Variants in DNAH8 observed in about 807,000 individuals in gnomAD.
DNAH8 encodes the protein dynein axonemal heavy chain 8.
Under a neutral mutation model 562.1 loss-of-function variants are expected in DNAH8, and 382 were observed. The ratio of observed to expected loss-of-function variants is 0.68; its 90% confidence interval spans 0.63 to 0.74. The LOEUF (loss-of-function observed/expected upper bound fraction) is 0.74. Ranked by LOEUF, DNAH8 falls within the 30% of genes least tolerant of loss-of-function variation. The probability of loss-of-function intolerance (pLI) is 0.00; values close to 1 mark genes in which losing one functional copy is unlikely to be tolerated. For missense variants in DNAH8, 5,203 were observed against 5,620.4 expected, an observed-to-expected ratio of 0.93 and a Z score of 2.37; for synonymous variants, 1,881 against 1,919.4, an observed-to-expected ratio of 0.98 and a Z score of 0.52.
At chr6:38,823,151 A>G (rs1583102281) in intron 27 of DNAH8, 117 bp downstream of exon 27, 4 of 847,104 alleles carry the variant, frequency 4.7e-6, no homozygotes, top group Admixed American at 6.8e-5. Context: ...CCAAGAATCT[A>G]TAAATACCAA....
chr6:38,909,444 A>G, intron 64 of DNAH8, 74 bp from the exon 65 acceptor site: 1 of 1,363,242 alleles, frequency 7.3e-7, no homozygotes, highest in Non-Finnish European at 1.0e-6. Context: ...CTTGGGTCAG[A>G]TTGCGTAAAT....
chr6:38,918,023 G>A lies in DNAH8; in HGVS notation c.10407G>A (p.Met3469Ile). Reference sequence around the variant, plus strand: ...AGTTACTACAGCCATATTTTAATATGGATGATTATACTTTTGAAAGTGCCA... The same window carrying A: ...AGTTACTACAGCCATATTTTAATATAGATGATTATACTTTTGAAAGTGCCA... The part of the protein sequence containing the change: ...TVELLQPYFN[M>I]DDYTFESAKK... The change falls in exon 70 of 93, where the codon ATG (methionine) becomes ATA (isoleucine). Residue 3469 changes from methionine to isoleucine, a missense_variant. Around this residue, in one of 6 missense-constraint regions of DNAH8, gnomAD observed 1,399 missense variants for 1,518.4 expected, o/e 0.92. Transcript: ENST00000327475. The A allele has an allele frequency of 6.2e-7, 1 of 1,613,724 alleles. No individual in the cohort carries two copies. Among genetic ancestry groups the A allele is most frequent in the Non-Finnish European group, 8.5e-7 (1 of 1,179,782 alleles).
rs572347407 is a variant in DNAH8 at position 38,752,256 on chromosome 6, C to T, written c.1407+1667C>T. Reference sequence around the variant, plus strand: ...TCTGCTCACTGCAACCTCCGCCTCCCGGGTTCAAGCAATTCTCCTGATTCA... The same window carrying T: ...TCTGCTCACTGCAACCTCCGCCTCCTGGGTTCAAGCAATTCTCCTGATTCA... On this transcript the variant is annotated intron_variant, in intron 9 of 92. Transcript: ENST00000327475. 4.0e-5 allele frequency among the ~76,000 whole-genome samples: 6 copies of T among 151,472 alleles called. No homozygotes were observed. In the South Asian group the frequency reaches 6.2e-4, roughly 16 times the overall value.
intron 48 of DNAH8, among the ~76,000 whole-genome samples, chr6:38,870,003 G>A (rs1260527540): frequency 6.6e-6 from 1 of 152,182 alleles, no homozygotes; most frequent in African/African-American, 2.4e-5. Flanking sequence ...ATGCTGGGAG[G>A]TGAATGAGGA....
intron 38 of DNAH8, 64 bp downstream of exon 38, chr6:38,850,478 C>T: frequency 7.2e-7 from 1 of 1,397,806 alleles, no homozygotes; most frequent in Non-Finnish European, 9.9e-7. Flanking sequence ...CCCAAACTTA[C>T]TAGTATTGAC....
At chr6:38,757,265 T>C (rs1217365489) in intron 10 of DNAH8, among the ~76,000 whole-genome samples, 12 of 152,200 alleles carry the variant, frequency 7.9e-5, no homozygotes, top group Admixed American at 2.6e-4. Flanking sequence ...ATTTCTCTGA[T>C]GGCCAGTGAT....
Position 38,938,919 on chromosome 6 carries a change from C to T in DNAH8, c.11938C>T (p.Leu3980Phe). The change falls in exon 79 of 93, where the codon CTC becomes TTC. Residue 3980 changes from leucine (L) to phenylalanine (F), a missense_variant. Around this residue, in one of 6 missense-constraint regions of DNAH8, gnomAD observed 1,399 missense variants for 1,518.4 expected, o/e 0.92. Transcript: ENST00000327475. ...YENHKFLFVL[L>F]MTLKIDLQRG... The stretch of plus-strand genomic sequence containing the variant: ...AAACCACAAATTCCTGTTTGTACTC[C>T]TCATGACCTTAAAGATTGACCTTCA... 6.2e-7 allele frequency: 1 copy of T among 1,613,938 alleles called. No homozygotes were observed. The highest frequency in any genetic ancestry group is 8.5e-7 in the Non-Finnish European group (1 of 1,179,892).
At position 38,999,924 on chromosome 6, in the gene DNAH8, CACACACACAA is replaced by C. The variant is rs560807215; in HGVS notation, c.13215-8880_13215-8871del. 3.6e-3 allele frequency among the ~76,000 whole-genome samples: 254 copies of C among 69,886 alleles called. 2 individuals carry two copies. The highest frequency in any genetic ancestry group is 0.019 in the African/African-American group (237 of 12,282). 45.8% of individuals were successfully genotyped at this position (69,886 alleles called of 152,430 possible). On this transcript the variant is annotated intron_variant, in intron 88 of 92. Transcript: ENST00000327475. The stretch of plus-strand genomic sequence containing the variant: ...AGTTGTAATAAGGCATTTATACACA[CACACACACAA>C]ACACACACACACACATTCATTGAAA...
At chr6:39,026,918 T>A (rs1767329242) in intron 92 of DNAH8, among the ~76,000 whole-genome samples, 1 of 152,230 alleles carries the variant, frequency 6.6e-6, no homozygotes, top group Non-Finnish European at 1.5e-5. Flanking sequence ...GTTACACTTG[T>A]GTTTGCTAAA....
chr6:38,835,048 C>T (rs1004442944), intron 32 of DNAH8, among the ~76,000 whole-genome samples: 3 of 152,040 alleles, frequency 2.0e-5, no homozygotes, highest in Middle Eastern at 3.2e-3. Context: ...CTTCTTTGTC[C>T]TATCTCCTCT....
At chr6:38,818,534 AAGC>A (rs1173006457) in intron 26 of DNAH8, among the ~76,000 whole-genome samples, 1 of 136,594 alleles carries the variant, frequency 7.3e-6, no homozygotes, top group Non-Finnish European at 1.6e-5. Context: ...GCAAAAGCAA[AAGC>A]AAAAAAAAAA....
Position 38,803,307 on chromosome 6 carries a change from G to A in DNAH8, c.3030G>A (p.Gln1010=), listed in dbSNP as rs531144931. Residue 1010 remains glutamine (Q), a synonymous_variant, in exon 22 of 93, where the codon CAG becomes CAA. Transcript: ENST00000327475. The part of the protein sequence containing the change: ...EVKYTGKVGK[Q]SEQRKHVVFG... ...AATACACTGGGAAAGTAGGAAAACA[G>A]TCAGGTAACTTTTCTCGTTACTGTG... The A allele has an allele frequency of 1.6e-5, 26 of 1,598,736 alleles. No individual in the cohort carries two copies. In the South Asian group the frequency reaches 2.5e-4, roughly 16 times the overall value.
chr6:38,785,836 G>A (rs1769110649), intron 17 of DNAH8, among the ~76,000 whole-genome samples: 1 of 152,166 alleles, frequency 6.6e-6, no homozygotes, highest in Admixed American at 6.5e-5. Context: ...TTGAAAACCT[G>A]CATCATTAAG....
In DNAH8 at chr6:38,898,330, A is replaced by G. The variant is rs1228365887; in HGVS notation, c.9013A>G (p.Thr3005Ala). The change falls in exon 61 of 93, where the codon ACA becomes GCA. Residue 3005 changes from threonine (T) to alanine (A), a missense_variant. Physicochemically the swap from Thr to Ala is moderately conservative, Grantham distance 58 (BLOSUM62 0). Around this residue, in one of 6 missense-constraint regions of DNAH8, gnomAD observed 977 missense variants for 1,061.8 expected, o/e 0.92. Transcript: ENST00000327475. ...ACAGTTCAATGAAATCATTAGAGGA[A>G]CATCTCTTGATCTGGTGTTTTTTAA... is the stretch of plus-strand genomic sequence containing the variant. Reference protein sequence around the residue: ...QRQFNEIIRGTSLDLVFFKDA... With the variant: ...QRQFNEIIRGASLDLVFFKDA... 6.3e-7 allele frequency: 1 copy of G among 1,588,286 alleles called. No individual in the cohort carries two copies. Among genetic ancestry groups the G allele is most frequent in the East Asian group, 2.3e-5 (1 of 43,348 alleles).
chr6:39,025,790 C>T (rs1029737675), intron 91 of DNAH8, among the ~76,000 whole-genome samples: 3 of 152,198 alleles, frequency 2.0e-5, no homozygotes, highest in South Asian at 2.1e-4. Flanking sequence ...TACATGGAGG[C>T]CAAAATAAAA....
Position 38,866,824 on chromosome 6 carries a change from C to T in DNAH8, c.6641C>T (p.Ala2214Val), listed in dbSNP as rs1353776663. 5 of 1,613,366 alleles carry T rather than the reference C, an allele frequency of 3.1e-6. No individual in the cohort carries two copies. The South Asian group carries it at 5.5e-5, about 18-fold the overall frequency. ...SCGFLENVILAQKFYVLYKLC... is the reference protein window; with the variant it reads ...SCGFLENVILVQKFYVLYKLC... ...GGTTTTCTTGAAAATGTTATCTTGGCTCAAAAATTTTACGTTCTTTACAAA... is the reference window on the plus strand; with the variant it reads ...GGTTTTCTTGAAAATGTTATCTTGGTTCAAAAATTTTACGTTCTTTACAAA... Residue 2214 changes from alanine (A) to valine (V), a missense_variant, in exon 47 of 93, where the codon GCT (alanine) becomes GTT (valine). This residue lies in a region of DNAH8 where 2,176 missense variants were observed against 2,365.1 expected (regional missense o/e 0.92). Coordinates refer to ENST00000327475, the MANE Select transcript of DNAH8 (RefSeq NM_001206927.2).
intron 70 of DNAH8, among the ~76,000 whole-genome samples, chr6:38,921,139 C>T (rs1273319198): frequency 6.6e-6 from 1 of 152,140 alleles, no homozygotes; most frequent in Non-Finnish European, 1.5e-5. Flanking sequence ...TCCTCAGCCT[C>T]TCAAAGTTCT....
intron 1 of DNAH8, among the ~76,000 whole-genome samples, chr6:38,721,903 G>A (rs1482199659): frequency 6.6e-6 from 1 of 152,076 alleles, no homozygotes; most frequent in Non-Finnish European, 1.5e-5. Context: ...ACGTGTTTGG[G>A]AATGTATCCT....
Position 38,720,087 on chromosome 6 carries a change from G to A in DNAH8, c.-34-2689G>A, listed in dbSNP as rs914756199. ...TGACACTCCTTACCTCAGTCTGCCT[G>A]GCACCAGGCAAATGGAAAATTTCTC... On this transcript the variant is annotated intron_variant, in intron 1 of 92. Transcript: ENST00000327475. 2.0e-5 allele frequency among the ~76,000 whole-genome samples: 3 copies of A among 152,090 alleles called. No homozygotes were observed. In the South Asian group the frequency reaches 6.2e-4, roughly 32 times the overall value.
Sources: gnomAD v4.1 joint callset for allele counts (sites outside exome capture counted in the v4.1 genomes callset) on GRCh38, gnomAD v4.1.1 for gene constraint, gnomAD v4.1.1 regional missense constraint, MANE v1.5 for transcripts, NCBI Gene and HGNC (gene_info 2026-07-23, HGNC 2026-07-21) for gene names.